Variants in POGLUT3 observed in about 807,000 individuals in gnomAD.
POGLUT3 encodes the protein protein O-glucosyltransferase 3.
POGLUT3 carries 48 observed loss-of-function variants against 54.3 expected under a neutral mutation model. That is an observed-to-expected ratio of 0.88 (90% CI 0.70 to 1.12). The LOEUF is 1.12. Ranked by LOEUF, POGLUT3 falls within the 50% of genes most tolerant of loss-of-function variation. The pLI is 0.00. For synonymous variants in POGLUT3, 218 were observed against 237.4 expected (o/e 0.92, Z 0.75); for missense variants, 629 against 618.7 (o/e 1.02, Z -0.18).
At chr11:108,493,168 A>G (rs929513157) in intron 1 of POGLUT3, among the ~76,000 whole-genome samples, 3 of 152,278 alleles carry the variant, frequency 2.0e-5, no homozygotes, top group Non-Finnish European at 2.9e-5. Flanking sequence ...AATTGAAAGT[A>G]TCAGACTAAA....
intron 2 of POGLUT3, among the ~76,000 whole-genome samples, chr11:108,487,864 G>A (rs1413378195): frequency 4.0e-5 from 6 of 151,860 alleles, no homozygotes; most frequent in Non-Finnish European, 7.4e-5. Flanking sequence ...CACCTGCCTC[G>A]GCCTCCCAAA....
intron 1 of POGLUT3, among the ~76,000 whole-genome samples, chr11:108,497,569 G>A (rs2093624363): frequency 6.6e-6 from 1 of 152,216 alleles, no homozygotes; most frequent in Admixed American, 6.5e-5. Context: ...GATTCAGGAC[G>A]AGATCCATCT....
intron 3 of POGLUT3, among the ~76,000 whole-genome samples, chr11:108,483,632 G>A (rs925295974): frequency 6.6e-6 from 1 of 152,120 alleles, no homozygotes; most frequent in African/African-American, 2.4e-5. Flanking sequence ...AAGGGCAAGA[G>A]ATGTGAATAT....
rs1324829938 is a variant in POGLUT3, at chr11:108,473,055, T to C, written c.*1772A>G. ...TTTCAGTTAGGAGAATACATATTTT[T>C]ATTTTTATTTTCAGTTTTTGAGATG... On this transcript the variant is annotated 3_prime_UTR_variant, in exon 8 of 8. Coordinates refer to ENST00000323468, the MANE Select transcript of POGLUT3 (RefSeq NM_153705.5). The C allele has an allele frequency of 6.6e-6, 1 of 151,872 alleles. No homozygotes were observed. The highest frequency in any genetic ancestry group is 1.5e-5 in the Non-Finnish European group (1 of 67,980). 9.4% of individuals were successfully genotyped at this position (151,872 alleles called of 1,614,324 possible).
chr11:108,490,973 T>A lies in POGLUT3; in HGVS notation c.397A>T (p.Lys133Ter). 2 of 1,613,068 alleles carry A rather than the reference T, an allele frequency of 1.2e-6. No homozygotes were observed. The highest frequency in any genetic ancestry group is 1.7e-6 in the Non-Finnish European group (2 of 1,179,136). Reference protein sequence around the residue: ...EHVAQSPYILKGPVYHEYCEC... With the variant: ...EHVAQSPYIL ...GGAGTATATAATAATCACTTACCTTTCAAAATATAGGGAGACTGAGCCACA... is the reference window on the plus strand; with the variant it reads ...GGAGTATATAATAATCACTTACCTTACAAAATATAGGGAGACTGAGCCACA... The change falls in exon 2 of 8, where the codon AAA (lysine) becomes TAA (stop). Residue 133 changes from lysine to a stop codon, truncating the protein, a stop_gained. Coordinates refer to ENST00000323468, the MANE Select transcript of POGLUT3 (RefSeq NM_153705.5). LOFTEE classifies it high-confidence loss of function.
chr11:108,485,356 G>A (rs2093600981), intron 3 of POGLUT3, among the ~76,000 whole-genome samples: 3 of 152,108 alleles, frequency 2.0e-5, no homozygotes, highest in African/African-American at 2.4e-5. Flanking sequence ...TCTTGACATG[G>A]TTGTGCATGC....
chr11:108,497,533 C>G (rs908823484), intron 1 of POGLUT3, among the ~76,000 whole-genome samples: 1 of 152,184 alleles, frequency 6.6e-6, no homozygotes, highest in Non-Finnish European at 1.5e-5. Context: ...TGAAGGACAA[C>G]GTGGGAGGAG....
At chr11:108,492,809 T>C (rs1591645709) in intron 1 of POGLUT3, among the ~76,000 whole-genome samples, 1 of 152,218 alleles carries the variant, frequency 6.6e-6, no homozygotes, top group Admixed American at 6.5e-5. Context: ...TGGTAATAAT[T>C]TAATAGGAAA....
chr11:108,480,914 A>G (rs1325860358), intron 5 of POGLUT3, among the ~76,000 whole-genome samples: 1 of 152,234 alleles, frequency 6.6e-6, no homozygotes, highest in South Asian at 2.1e-4. Flanking sequence ...AAAAGAAAGA[A>G]AAACGAGACA....
chr11:108,485,731 C>G (rs571853960), intron 3 of POGLUT3, among the ~76,000 whole-genome samples: 1 of 151,892 alleles, frequency 6.6e-6, no homozygotes, highest in African/African-American at 2.4e-5. Flanking sequence ...AATCTTGGCC[C>G]ACTGCAGCCT....
Position 108,476,050 on chromosome 11 carries a change from G to A in POGLUT3, c.1399-1098C>T, listed in dbSNP as rs1425996185. Among the ~76,000 whole-genome samples, 6 of 152,200 alleles carry A rather than the reference G, an allele frequency of 3.9e-5. No individual in the cohort carries two copies. The East Asian group carries it at 7.8e-4, about 20-fold the overall frequency. ...TACTAGTGGGAGGCTGAGGTGGGAG[G>A]GGGGAAGAATCGCTTGATCCTAGGA... On this transcript the variant is annotated intron_variant, in intron 7 of 7. Transcript: ENST00000323468.
At chr11:108,477,479 C>G in intron 7 of POGLUT3, 128 bp downstream of exon 7, 1 of 635,068 alleles carries the variant, frequency 1.6e-6, no homozygotes, top group Non-Finnish European at 2.8e-6. Flanking sequence ...AGGCAAGTGC[C>G]TTGGCTTAGC....
In POGLUT3 at chr11:108,474,943, C is replaced by A. The variant is rs368363744; in HGVS notation, c.1408G>T (p.Glu470Ter). 5.0e-6 allele frequency: 8 copies of A among 1,613,724 alleles called. No individual in the cohort carries two copies. In the African/African-American group the frequency reaches 9.4e-5, roughly 19 times the overall value. Residue 470 changes from glutamate (E) to a stop codon, truncating the protein, a stop_gained, in exon 8 of 8, where the codon GAG (glutamate) becomes TAG (stop). Transcript: ENST00000323468. LOFTEE classifies it high-confidence loss of function. ...YYYQVLQKYA[E>*]RQSSKPEVRD... ...ACTTCGGGTTTGCTGGACTGGCGCT[C>A]GGCATATTTCTGAAACGTGGGTTTA... is the stretch of plus-strand genomic sequence containing the variant.
Position 108,472,621 on chromosome 11 carries a change from G to C in POGLUT3, c.*2206C>G, listed in dbSNP as rs2093571824. On this transcript the variant is annotated 3_prime_UTR_variant, in exon 8 of 8. Coordinates refer to ENST00000323468, the MANE Select transcript of POGLUT3 (RefSeq NM_153705.5). Reference sequence around the variant, plus strand: ...GAATCTGCCTGGTTTGTCTCAACTTGCTTTTAACTATTAGGCCTGTTTGGC... The same window carrying C: ...GAATCTGCCTGGTTTGTCTCAACTTCCTTTTAACTATTAGGCCTGTTTGGC... 1 of 152,080 alleles carries C rather than the reference G, an allele frequency of 6.6e-6. No individual in the cohort carries two copies. The highest frequency in any genetic ancestry group is 6.6e-5 in the Admixed American group (1 of 15,266). 9.4% of individuals were successfully genotyped at this position (152,080 alleles called of 1,614,324 possible).
At chr11:108,478,119 G>C (rs2093585621) in intron 6 of POGLUT3, 1 of 160,090 alleles carries the variant, frequency 6.2e-6, no homozygotes, top group Admixed American at 6.5e-5. Context: ...CTGCATTCCA[G>C]CCTGGGCGAC....
chr11:108,488,539 C>G (rs2093607731), intron 2 of POGLUT3, among the ~76,000 whole-genome samples: 1 of 152,066 alleles, frequency 6.6e-6, no homozygotes, highest in Non-Finnish European at 1.5e-5. Flanking sequence ...CAAGGCAGCT[C>G]TAGACTTTGT....
intron 6 of POGLUT3, 132 bp from the exon 7 acceptor site, chr11:108,477,843 A>G (rs959235958): frequency 2.4e-5 from 16 of 680,232 alleles, no homozygotes; most frequent in Middle Eastern, 6.7e-4. Context: ...TAATGGAATT[A>G]TAACTTAAGA....
In POGLUT3 at chr11:108,477,730, T is replaced by A. The variant is rs762650178; in HGVS notation, c.1294-19A>T. ...CATTTTCCTGAAAGGTTAAAAAAAA[T>A]AAAAATGAATGAAAATTACTACTGC... On this transcript the variant is annotated intron_variant, in intron 6 of 7. Transcript: ENST00000323468. The A allele has an allele frequency of 3.3e-6, 5 of 1,498,680 alleles. No individual in the cohort carries two copies. The East Asian group carries it at 1.1e-4, about 34-fold the overall frequency. 92.8% of individuals were successfully genotyped at this position (1,498,680 alleles called of 1,614,324 possible).
At position 108,491,002 on chromosome 11, in the gene POGLUT3, T is replaced by C. The variant is rs1356622064; in HGVS notation, c.368A>G (p.Glu123Gly). The C allele has an allele frequency of 6.2e-7, 1 of 1,613,932 alleles. No individual in the cohort carries two copies. ...AATATAGGGAGACTGAGCCACATGT[T>C]CATCACCATAAAGGACCTCTATCTT... ...GLKIEVLYGDEHVAQSPYILK... is the reference protein window; with the variant it reads ...GLKIEVLYGDGHVAQSPYILK... Residue 123 changes from glutamate to glycine, a missense_variant, in exon 2 of 8, where the codon GAA (glutamate) becomes GGA (glycine). Coordinates refer to ENST00000323468, the MANE Select transcript of POGLUT3 (RefSeq NM_153705.5).
Sources: gnomAD v4.1 joint callset for allele counts (sites outside exome capture counted in the v4.1 genomes callset) on GRCh38, gnomAD v4.1.1 for gene constraint, MANE v1.5 for transcripts, NCBI Gene and HGNC (gene_info 2026-07-23, HGNC 2026-07-21) for gene names.